LSAMP: variants seen among roughly 807,000 people sequenced by gnomAD.
LSAMP encodes limbic system-associated membrane protein.
Under a neutral mutation model 38.6 loss-of-function variants are expected in LSAMP, and 7 were observed. The observed-to-expected ratio is 0.18, with a 90% CI of 0.10 to 0.34. The LOEUF (loss-of-function observed/expected upper bound fraction) is 0.34, where lower values mean the gene tolerates loss of function less well. LSAMP is among the 10% of genes least tolerant of loss of function. The pLI, the probability that LSAMP is intolerant of heterozygous loss-of-function variation, is 1.00. For synonymous variants in LSAMP, 154 were observed against 166.8 expected, an observed-to-expected ratio of 0.92 and a Z score of 0.59; for missense variants, 313 against 420.0, an observed-to-expected ratio of 0.75 and a Z score of 2.23.
At chr3:116,137,233 C>G (rs1709270624) in intron 1 of LSAMP, among the ~76,000 whole-genome samples, 1 of 151,882 alleles carries the variant, frequency 6.6e-6, no homozygotes, top group Non-Finnish European at 1.5e-5. Flanking sequence ...CCAGGATGAT[C>G]TCATTTTGAG....
intron 1 of LSAMP, among the ~76,000 whole-genome samples, chr3:116,179,345 C>T (rs62269194): frequency 0.047 from 7,112 of 152,028 alleles, 190 homozygotes; most frequent in Middle Eastern, 0.1. Flanking sequence ...TCAAGCACTC[C>T]CCATTGGAGA....
intron 1 of LSAMP, among the ~76,000 whole-genome samples, chr3:116,410,238 A>AT (rs1367256035): frequency 6.6e-6 from 1 of 151,914 alleles, no homozygotes; most frequent in Non-Finnish European, 1.5e-5. Flanking sequence ...GGGGGACAGA[A>AT]TTTTTTTTAT....
intron 1 of LSAMP, among the ~76,000 whole-genome samples, chr3:116,429,095 C>T (rs538575108): frequency 3.3e-5 from 5 of 152,268 alleles, no homozygotes; most frequent in African/African-American, 1.2e-4. Flanking sequence ...GTTGCCTGGC[C>T]CCACAGACAA....
At chr3:116,221,035 C>T (rs2046278184) in intron 1 of LSAMP, among the ~76,000 whole-genome samples, 1 of 150,656 alleles carries the variant, frequency 6.6e-6, no homozygotes, top group South Asian at 2.1e-4. Context: ...CGCCTGTAGT[C>T]CCAGCTACTT....
At chr3:116,120,625 C>G (rs1164245312) in intron 1 of LSAMP, among the ~76,000 whole-genome samples, 2 of 152,178 alleles carry the variant, frequency 1.3e-5, no homozygotes, top group African/African-American at 4.8e-5. Flanking sequence ...TCACATAAGG[C>G]TAGGGCTAGT....
At chr3:116,377,307 C>T (rs2107797785) in intron 1 of LSAMP, among the ~76,000 whole-genome samples, 1 of 152,130 alleles carries the variant, frequency 6.6e-6, no homozygotes, top group East Asian at 1.9e-4. Context: ...TCAGCTCCCA[C>T]TTATAAGTGA....
At chr3:115,986,025 G>C (rs533667746) in intron 3 of LSAMP, among the ~76,000 whole-genome samples, 1 of 152,250 alleles carries the variant, frequency 6.6e-6, no homozygotes, top group African/African-American at 2.4e-5. Flanking sequence ...GATGATCAAA[G>C]GAGAGAATTG....
At chr3:116,291,041 T>C in intron 1 of LSAMP, among the ~76,000 whole-genome samples, 1 of 152,134 alleles carries the variant, frequency 6.6e-6, no homozygotes, top group East Asian at 1.9e-4. Context: ...ATCTTCGCAA[T>C]GGTTGCAAAA....
chr3:116,437,308 T>C (rs774908488), intron 1 of LSAMP, among the ~76,000 whole-genome samples: 2 of 152,016 alleles, frequency 1.3e-5, no homozygotes, highest in Non-Finnish European at 2.9e-5. Context: ...CAGTGTATAC[T>C]GCTCGGGTGA....
chr3:116,092,245 ATAAT>A (rs987271571), intron 1 of LSAMP, among the ~76,000 whole-genome samples: 6 of 152,230 alleles, frequency 3.9e-5, no homozygotes, highest in Non-Finnish European at 5.9e-5. Flanking sequence ...TTCTTAAGAA[ATAAT>A]TAAAGTTATT....
At chr3:116,417,328 A>G (rs188316805) in intron 1 of LSAMP, among the ~76,000 whole-genome samples, 4 of 152,242 alleles carry the variant, frequency 2.6e-5, no homozygotes, top group African/African-American at 9.6e-5. Flanking sequence ...TCTCTGGGTC[A>G]GTCCTAGCCA....
intron 1 of LSAMP, among the ~76,000 whole-genome samples, chr3:116,222,804 C>T (rs1009752059): frequency 5.7e-5 from 7 of 122,384 alleles, no homozygotes; most frequent in African/African-American, 1.8e-4. Flanking sequence ...GGCGCGATCT[C>T]GGCTCACTGC....
At chr3:116,199,367 T>A (rs768385642) in intron 1 of LSAMP, among the ~76,000 whole-genome samples, 1 of 152,228 alleles carries the variant, frequency 6.6e-6, no homozygotes, top group African/African-American at 2.4e-5. Context: ...TCTTTCTTCC[T>A]ACCTTCAATC....
intron 1 of LSAMP, among the ~76,000 whole-genome samples, chr3:116,384,948 G>A (rs952666991): frequency 8.3e-6 from 1 of 120,532 alleles, no homozygotes; most frequent in African/African-American, 4.1e-5. Flanking sequence ...ACTAGAATAC[G>A]TGAAATGAAT....
intron 3 of LSAMP, among the ~76,000 whole-genome samples, chr3:115,881,595 T>C (rs911285828): frequency 1.3e-5 from 2 of 152,140 alleles, no homozygotes; most frequent in African/African-American, 4.8e-5. Context: ...TGACTGGTTG[T>C]GTTCTTGGAC....
intron 1 of LSAMP, among the ~76,000 whole-genome samples, chr3:116,122,651 C>T (rs1046082779): frequency 2.0e-5 from 3 of 152,136 alleles, no homozygotes; most frequent in Non-Finnish European, 4.4e-5. Flanking sequence ...TGTGTGAGTA[C>T]TCTTTAAATA....
chr3:115,959,813 T>C (rs1227140022), intron 3 of LSAMP, among the ~76,000 whole-genome samples: 4 of 152,186 alleles, frequency 2.6e-5, no homozygotes, highest in Non-Finnish European at 5.9e-5. Context: ...TTTGCTATTA[T>C]TGTTAGATCT....
At chr3:116,376,409 T>C (rs1253744045) in intron 1 of LSAMP, among the ~76,000 whole-genome samples, 1 of 152,044 alleles carries the variant, frequency 6.6e-6, no homozygotes, top group East Asian at 1.9e-4. Context: ...TTGACTTCTT[T>C]CAAAAGCAGA....
chr3:115,909,605 C>G (rs1438196123), intron 3 of LSAMP, among the ~76,000 whole-genome samples: 1 of 152,168 alleles, frequency 6.6e-6, no homozygotes, highest in Non-Finnish European at 1.5e-5. Flanking sequence ...TCTATTTCCT[C>G]TTTTTTCTTT....
Sources: gnomAD v4.1 joint callset for allele counts (sites outside exome capture counted in the v4.1 genomes callset) on GRCh38, gnomAD v4.1.1 for gene constraint, MANE v1.5 for transcripts, NCBI Gene and HGNC (gene_info 2026-07-23, HGNC 2026-07-21) for gene names.